Variants in CENPO observed in about 807,000 individuals in gnomAD.
The protein encoded by CENPO is centromere protein O, also known as centromeric protein O.
Under a neutral mutation model 36.1 loss-of-function variants are expected in CENPO, and 30 were observed. That is an observed-to-expected ratio of 0.83 (90% CI 0.62 to 1.13). The LOEUF is 1.13. Ranked by LOEUF, CENPO falls within the 50% of genes most tolerant of loss-of-function variation. CENPO has a pLI of 0.00. For missense variants in CENPO, 349 were observed against 357.8 expected, an observed-to-expected ratio of 0.98 and a Z score of 0.20; for synonymous variants, 171 against 142.3, an observed-to-expected ratio of 1.20 and a Z score of -1.44.
chr2:24,821,051 C>G lies in CENPO; in HGVS notation c.*1733C>G, dbSNP rs562617864. ...GCTTGTTAGGTGTCAGCCGCCACCCCCCCCCCATATGCAGATTTACTCGGC... is the reference window on the plus strand; with the variant it reads ...GCTTGTTAGGTGTCAGCCGCCACCCGCCCCCCATATGCAGATTTACTCGGC... On this transcript the variant is annotated 3_prime_UTR_variant, in exon 8 of 8. Transcript: ENST00000380834. 7 of 659,074 alleles carry G rather than the reference C, an allele frequency of 1.1e-5. No individual in the cohort carries two copies. The highest frequency in any genetic ancestry group is 6.0e-5 in the East Asian group (2 of 33,252). The allele number at this position is 659,074 out of a possible 1,614,324, so 40.8% of individuals were successfully genotyped here. A position where few individuals can be genotyped will look rare whatever the true frequency, so the allele number is the denominator to read the frequency against.
intron 3 of CENPO, among the ~76,000 whole-genome samples, chr2:24,808,360 C>G (rs1367409856): frequency 3.9e-5 from 6 of 152,066 alleles, no homozygotes; most frequent in Non-Finnish European, 8.8e-5. Context: ...AGGCATGCGC[C>G]CAGCTAATTT....
At position 24,817,331 on chromosome 2, in the gene CENPO, A is replaced by G. The variant is rs1666982411; in HGVS notation, c.767-339A>G. Reference sequence around the variant, plus strand: ...GGGCAATAATGAAAAATTGGGTGAAATGTTTTTAGGAGGCAGAAATTTTGA... The same window carrying G: ...GGGCAATAATGAAAAATTGGGTGAAGTGTTTTTAGGAGGCAGAAATTTTGA... On this transcript the variant is annotated intron_variant, in intron 6 of 7. Coordinates refer to ENST00000380834, the MANE Select transcript of CENPO (RefSeq NM_001322101.2). Among the ~76,000 whole-genome samples, 5 of 152,254 alleles carry G rather than the reference A, an allele frequency of 3.3e-5. No individual in the cohort carries two copies. The South Asian group carries it at 1.0e-3, about 32-fold the overall frequency.
At position 24,820,125 on chromosome 2, in the gene CENPO, AGGGGGAGCAAGAACGTGGCGTTACG is replaced by A. The variant is rs766386253; in HGVS notation, c.*816_*840del. On this transcript the variant is annotated 3_prime_UTR_variant, in exon 8 of 8. Transcript: ENST00000380834. The stretch of plus-strand genomic sequence containing the variant: ...GGTTTCTTCTACCACCTGGAGAGGG[AGGGGGAGCAAGAACGTGGCGTTACG>A]GGGGGAGCCTAGACTGAGGGCGGGT... 12 of 1,207,042 alleles carry A rather than the reference AGGGGGAGCAAGAACGTGGCGTTACG, an allele frequency of 9.9e-6. No homozygotes were observed. The highest frequency in any genetic ancestry group is 1.2e-5 in the Non-Finnish European group (11 of 935,426). The allele number at this position is 1,207,042 out of a possible 1,614,324, so 74.8% of individuals were successfully genotyped here.
intron 3 of CENPO, among the ~76,000 whole-genome samples, chr2:24,806,673 T>C (rs2148271351): frequency 6.6e-6 from 1 of 152,360 alleles, no homozygotes; most frequent in South Asian, 2.1e-4. Context: ...GTACTAGTTT[T>C]ACATTCCCAG....
chr2:24,812,902 G>GTTTTTTTTTTTTTTTTTTTTTTTTT (rs35639594), intron 3 of CENPO, among the ~76,000 whole-genome samples: 1 of 105,704 alleles, frequency 9.5e-6, no homozygotes, highest in African/African-American at 3.6e-5. Flanking sequence ...TATGCCTGTA[G>GTTTTTTTTTTTTTTTTTTTTTTTTT]TTTTTTTTTT....
intron 3 of CENPO, among the ~76,000 whole-genome samples, 172 bp downstream of exon 3, chr2:24,800,016 T>A (rs555651434): frequency 1.6e-3 from 241 of 152,356 alleles, no homozygotes; most frequent in Non-Finnish European, 2.6e-3. Context: ...CCAGGCACGG[T>A]GGCTCATGCC....
At chr2:24,811,356 A>C (rs1666677672) in intron 3 of CENPO, among the ~76,000 whole-genome samples, 1 of 138,914 alleles carries the variant, frequency 7.2e-6, no homozygotes, top group Non-Finnish European at 1.5e-5. Context: ...ATCTCAGCTC[A>C]CTGCAACCTC....
intron 5 of CENPO, 187 bp downstream of exon 5, chr2:24,815,943 G>A (rs893656496): frequency 2.1e-5 from 13 of 610,034 alleles, no homozygotes; most frequent in East Asian, 2.9e-5. Context: ...TCTGGATGGC[G>A]TTGAAGCCTG....
In CENPO at chr2:24,820,162, G is replaced by T; in HGVS notation, c.*844G>T. ...AACGTGGCGTTACGGGGGGAGCCTA[G>T]ACTGAGGGCGGGTGGGGGCTTTGGG... On this transcript the variant is annotated 3_prime_UTR_variant, in exon 8 of 8. Coordinates refer to ENST00000380834, the MANE Select transcript of CENPO (RefSeq NM_001322101.2). 9.9e-7 allele frequency: 1 copy of T among 1,007,230 alleles called. No individual in the cohort carries two copies. Among genetic ancestry groups the T allele is most frequent in the Non-Finnish European group, 1.4e-6 (1 of 709,548 alleles). The allele number at this position is 1,007,230 out of a possible 1,614,324, so 62.4% of individuals were successfully genotyped here.
Position 24,820,272 on chromosome 2 carries a change from G to A in CENPO, c.*954G>A, listed in dbSNP as rs779380081. The A allele has an allele frequency of 1.0e-4, 122 of 1,206,132 alleles. No homozygotes were observed. The highest frequency in any genetic ancestry group is 1.3e-4 in the Non-Finnish European group (118 of 921,586). The allele number at this position is 1,206,132 out of a possible 1,614,324, so 74.7% of individuals were successfully genotyped here. ...CCCAGGGCCAAGCCCTTCCACCCGT[G>A]GCGAGCAGCGGGTGGGAAGGAGAAC... On this transcript the variant is annotated 3_prime_UTR_variant, in exon 8 of 8. Transcript: ENST00000380834.
At position 24,822,294 on chromosome 2, in the gene CENPO, A is replaced by T. The variant is rs1437406577; in HGVS notation, c.*2976A>T. 1 of 573,134 alleles carries T rather than the reference A, an allele frequency of 1.7e-6. No individual in the cohort carries two copies. Among genetic ancestry groups the T allele is most frequent in the African/African-American group, 1.9e-5 (1 of 53,252 alleles). The allele number at this position is 573,134 out of a possible 1,614,324, so 35.5% of individuals were successfully genotyped here. A position where few individuals can be genotyped will look rare whatever the true frequency, so the allele number is the denominator to read the frequency against. On this transcript the variant is annotated 3_prime_UTR_variant, in exon 8 of 8. Transcript: ENST00000380834. ...ACAGAACACAACCATCTTAGGCCTGAGCTGTGAACAGCAGGGGGTTGTGTG... is the reference window on the plus strand; with the variant it reads ...ACAGAACACAACCATCTTAGGCCTGTGCTGTGAACAGCAGGGGGTTGTGTG...
In CENPO at chr2:24,820,571, A is replaced by G; in HGVS notation, c.*1253A>G. ...GTTTCTTCCTGTGCTGAGGCTAGCT[A>G]TTGCAGAGATTCTTTTCCACTTGCC... is the stretch of plus-strand genomic sequence containing the variant. On this transcript the variant is annotated 3_prime_UTR_variant, in exon 8 of 8. Transcript: ENST00000380834. 1.2e-5 allele frequency: 18 copies of G among 1,440,858 alleles called. No homozygotes were observed. The highest frequency in any genetic ancestry group is 7.1e-5 in the East Asian group (3 of 42,218). The allele number at this position is 1,440,858 out of a possible 1,614,324, so 89.3% of individuals were successfully genotyped here.
Position 24,799,978 on chromosome 2 carries a change from C to G in CENPO, c.216+134C>G, listed in dbSNP as rs796525634. 1.5e-5 allele frequency: 15 copies of G among 1,007,938 alleles called. 1 individual carries two copies. In the African/African-American group the frequency reaches 2.2e-4, roughly 15 times the overall value. The allele number at this position is 1,007,938 out of a possible 1,614,324, so 62.4% of individuals were successfully genotyped here. On this transcript the variant is annotated intron_variant, in intron 3 of 7. Coordinates refer to ENST00000380834, the MANE Select transcript of CENPO (RefSeq NM_001322101.2). ...CTGGATTGATTGCAGTCCTTGATCC[C>G]TCAAATGATCAAACCTGTAGAGTTT...
At chr2:24,800,996 C>A (rs1666136318) in intron 3 of CENPO, among the ~76,000 whole-genome samples, 1 of 152,076 alleles carries the variant, frequency 6.6e-6, no homozygotes, top group Non-Finnish European at 1.5e-5. Flanking sequence ...CTGTTGTTTC[C>A]TGACTTTTTA....
At chr2:24,814,656 G>A (rs1002981093) in intron 4 of CENPO, 163 bp downstream of exon 4, 6 of 603,772 alleles carry the variant, frequency 9.9e-6, no homozygotes, top group South Asian at 1.9e-5. Context: ...ACACACAGCT[G>A]ACGTGCTATT....
Position 24,820,669 on chromosome 2 carries a change from C to T in CENPO, c.*1351C>T, listed in dbSNP as rs749262810. The T allele has an allele frequency of 8.4e-5, 135 of 1,607,482 alleles. No individual in the cohort carries two copies. Among genetic ancestry groups the T allele is most frequent in the Non-Finnish European group, 1.0e-4 (119 of 1,175,874 alleles). On this transcript the variant is annotated 3_prime_UTR_variant, in exon 8 of 8. Coordinates refer to ENST00000380834, the MANE Select transcript of CENPO (RefSeq NM_001322101.2). ...AGGGGCACGTGGGAAAGCACTGTTC[C>T]GGTTTTGTTCTCATGCCGAGTCTGA... is the stretch of plus-strand genomic sequence containing the variant.
In CENPO at chr2:24,821,080, G is replaced by T. The variant is rs1212145639; in HGVS notation, c.*1762G>T. The T allele has an allele frequency of 5.3e-6, 3 of 570,382 alleles. No homozygotes were observed. Among genetic ancestry groups the T allele is most frequent in the Non-Finnish European group, 9.0e-6 (3 of 332,124 alleles). 35.3% of individuals were successfully genotyped at this position (570,382 alleles called of 1,614,324 possible). On this transcript the variant is annotated 3_prime_UTR_variant, in exon 8 of 8. Transcript: ENST00000380834. ...CCCATATGCAGATTTACTCGGCATG[G>T]TAGTGGCCAGCTTCTAACACAGCTG...
At chr2:24,801,044 T>G (rs1427906340) in intron 3 of CENPO, among the ~76,000 whole-genome samples, 10 of 152,254 alleles carry the variant, frequency 6.6e-5, no homozygotes, top group Admixed American at 5.9e-4. Context: ...TGGTATCTCA[T>G]TGTGGCTTTG....
chr2:24,808,960 TC>T (rs979820261), intron 3 of CENPO, among the ~76,000 whole-genome samples: 1 of 152,128 alleles, frequency 6.6e-6, no homozygotes, highest in Non-Finnish European at 1.5e-5. Context: ...GATGAGGAAT[TC>T]CCCGGTGAAG....
Sources: allele counts gnomAD v4.1 joint callset (sites outside exome capture counted in the v4.1 genomes callset), GRCh38; gene constraint gnomAD v4.1.1; transcripts MANE v1.5; gene names NCBI Gene and HGNC (gene_info 2026-07-23, HGNC 2026-07-21).